The following OTOA variants were observed in gnomAD, a reference collection of about 807,000 sequenced individuals.
The protein encoded by OTOA is cancer/testis antigen 108.
A neutral mutation model predicts 110.8 loss-of-function variants in OTOA; 70 were observed. That is an observed-to-expected ratio of 0.63 (90% CI 0.52 to 0.77). The LOEUF (loss-of-function observed/expected upper bound fraction) is 0.77. Ranked by LOEUF, OTOA falls within the 30% of genes least tolerant of loss-of-function variation. The pLI is 0.00. For synonymous variants in OTOA, 373 were observed against 431.5 expected (o/e 0.86, Z 1.68); for missense variants, 917 against 1,075.8 (o/e 0.85, Z 2.06).
intron 1 of OTOA, among the ~76,000 whole-genome samples, chr16:21,664,912 C>T (rs1234831326): frequency 1.3e-5 from 2 of 151,936 alleles, no homozygotes; most frequent in Non-Finnish European, 2.9e-5. Flanking sequence ...GTGGAGGTTG[C>T]AGTGAGCCGA....
chr16:21,685,157 C>T, intron 6 of OTOA, 73 bp from the exon 7 acceptor site: 3 of 1,584,842 alleles, frequency 1.9e-6, no homozygotes, highest in South Asian at 1.1e-5. Flanking sequence ...CGGGCTGGGC[C>T]GCTGGCCATG....
At chr16:21,692,479 C>T (rs1477723233) in intron 9 of OTOA, among the ~76,000 whole-genome samples, 2 of 152,090 alleles carry the variant, frequency 1.3e-5, no homozygotes, top group Non-Finnish European at 2.9e-5. Flanking sequence ...CTCCTTGTGT[C>T]CTAGAGCAGT....
chr16:21,718,863 C>T (rs572755934), intron 15 of OTOA, among the ~76,000 whole-genome samples: 1 of 152,120 alleles, frequency 6.6e-6, no homozygotes. Flanking sequence ...TCCAGCCCTG[C>T]CACCAATGTC....
intron 1 of OTOA, among the ~76,000 whole-genome samples, chr16:21,671,568 G>C (rs998431591): frequency 3.2e-5 from 4 of 123,280 alleles, no homozygotes; most frequent in Admixed American, 2.9e-4. Context: ...GCCTGGGCAA[G>C]AGAGTAAGAC....
chr16:21,733,535 G>A (rs1260049119), intron 21 of OTOA, among the ~76,000 whole-genome samples: 1 of 151,766 alleles, frequency 6.6e-6, no homozygotes, highest in Non-Finnish European at 1.5e-5. Context: ...AGCTACATAG[G>A]CTGAGAGGCT....
intron 1 of OTOA, among the ~76,000 whole-genome samples, chr16:21,664,991 A>T (rs192487024): frequency 6.7e-6 from 1 of 149,438 alleles, no homozygotes. Context: ...TAAATAAATA[A>T]ATAAATAAAT....
chr16:21,677,296 T>G (rs1282646362), intron 1 of OTOA, among the ~76,000 whole-genome samples: 2 of 152,170 alleles, frequency 1.3e-5, no homozygotes, highest in African/African-American at 4.8e-5. Flanking sequence ...GTATCAGAGT[T>G]CCTGTTGTTC....
intron 10 of OTOA, 21 bp downstream of exon 10, chr16:21,697,896 T>C: frequency 6.3e-7 from 1 of 1,579,038 alleles, no homozygotes; most frequent in South Asian, 1.1e-5. Flanking sequence ...AAAGTACATT[T>C]ATATGTCACC....
chr16:21,732,972 C>G (rs1597853418), intron 21 of OTOA, among the ~76,000 whole-genome samples: 1 of 100,386 alleles, frequency 1.0e-5, no homozygotes, highest in East Asian at 2.8e-4. Flanking sequence ...TTTAATAAAG[C>G]AAGTAATACA....
At chr16:21,717,135 AAG>A (rs1302092514) in intron 15 of OTOA, 88 bp downstream of exon 15, 8 of 1,556,520 alleles carry the variant, frequency 5.1e-6, no homozygotes, top group African/African-American at 2.7e-5. Flanking sequence ...AATTTGATAA[AAG>A]AAATTTATTT....
At chr16:21,681,932 GCT>G in intron 6 of OTOA, 107 bp downstream of exon 6, 1 of 1,020,400 alleles carries the variant, frequency 9.8e-7, no homozygotes, top group Non-Finnish European at 1.5e-6. Context: ...GATAGTCTTT[GCT>G]TCTGCAAGGA....
At chr16:21,759,809 G>GGAAT (rs2141771862) in intron 28 of OTOA, among the ~76,000 whole-genome samples, 1 of 152,082 alleles carries the variant, frequency 6.6e-6, no homozygotes, top group South Asian at 2.1e-4. Flanking sequence ...CTGAGGCAGA[G>GGAAT]GAATCGCTTG....
At chr16:21,681,407 A>T (rs1391097127) in intron 5 of OTOA, among the ~76,000 whole-genome samples, 1 of 152,040 alleles carries the variant, frequency 6.6e-6, no homozygotes, top group Non-Finnish European at 1.5e-5. Context: ...CCTGGGCAAC[A>T]TAGTGAGACC....
Position 21,719,475 on chromosome 16 carries a change from A to T in OTOA, c.1777A>T (p.Asn593Tyr). The T allele has an allele frequency of 6.2e-7, 1 of 1,614,098 alleles. No homozygotes were observed. ...TCTGGCCCATTTCCAGGATTTTCAGAACAACTTCGCCCTGCTTTCACCCTA... is the reference window on the plus strand; with the variant it reads ...TCTGGCCCATTTCCAGGATTTTCAGTACAACTTCGCCCTGCTTTCACCCTA... The part of the protein sequence containing the change: ...FFLAHFQDFQ[N>Y]NFALLSPYQV... Residue 593 changes from asparagine to tyrosine, a missense_variant, in exon 17 of 29, where the codon AAC becomes TAC. Coordinates refer to ENST00000646100, the MANE Select transcript of OTOA (RefSeq NM_144672.4).
At chr16:21,699,673 C>T (rs967108349) in intron 10 of OTOA, among the ~76,000 whole-genome samples, 1 of 152,104 alleles carries the variant, frequency 6.6e-6, no homozygotes, top group Admixed American at 6.6e-5. Flanking sequence ...ACTCCCAGCA[C>T]TTTGGGAGGC....
chr16:21,691,835 A>G (rs1897836151), intron 9 of OTOA, 148 bp downstream of exon 9: 3 of 707,742 alleles, frequency 4.2e-6, no homozygotes, highest in Admixed American at 4.5e-5. Flanking sequence ...GATGTGGCTT[A>G]TGGAGTAAAA....
chr16:21,715,851 A>G (rs1277620245), intron 14 of OTOA, among the ~76,000 whole-genome samples: 1 of 150,700 alleles, frequency 6.6e-6, no homozygotes, highest in African/African-American at 2.4e-5. Context: ...AAATAAACCC[A>G]AAGTCCTAGG....
At chr16:21,675,235 C>T (rs1324208426) in intron 1 of OTOA, among the ~76,000 whole-genome samples, 8 of 146,548 alleles carry the variant, frequency 5.5e-5, no homozygotes, top group Admixed American at 1.4e-4. Flanking sequence ...CTACAACTTC[C>T]GCCTCCCAGG....
chr16:21,703,485 T>G (rs1044348687), intron 11 of OTOA, among the ~76,000 whole-genome samples: 2 of 152,122 alleles, frequency 1.3e-5, no homozygotes, highest in African/African-American at 4.8e-5. Flanking sequence ...AGCATTCCAT[T>G]GTGTATCCAC....
Sources: allele counts gnomAD v4.1 joint callset (sites outside exome capture counted in the v4.1 genomes callset), GRCh38; gene constraint gnomAD v4.1.1; transcripts MANE v1.5; gene names NCBI Gene and HGNC (gene_info 2026-07-23, HGNC 2026-07-21).